Variants in RBFOX2 observed in about 807,000 individuals in gnomAD.
RBFOX2 encodes the protein RNA binding fox-1 homolog 2, also known as RNA binding protein fox-1 homolog 2.
Under a neutral mutation model 49.1 loss-of-function variants are expected in RBFOX2, and 10 were observed. The observed-to-expected ratio is 0.20, with a 90% confidence interval of 0.13 to 0.35. The LOEUF is 0.35. RBFOX2 is among the 10% of genes least tolerant of loss of function. RBFOX2 has a pLI of 1.00. For missense variants in RBFOX2, 323 were observed against 486.9 expected (o/e 0.66, Z 3.17); for synonymous variants, 183 against 187.4 (o/e 0.98, Z 0.19).
chr22:35,809,807 T>C, exon 2 of RBFOX2: 1 of 1,613,850 alleles, frequency 6.2e-7, no homozygotes, highest in Non-Finnish European at 8.5e-7. Context: ...GTGTGCTGGG[T>C]GAGTTGCTGC....
At chr22:35,893,629 CA>C (rs774603816) in intron 1 of RBFOX2, among the ~76,000 whole-genome samples, 2 of 151,668 alleles carry the variant, frequency 1.3e-5, no homozygotes, top group East Asian at 1.9e-4. Context: ...ACAAATACTA[CA>C]AAAAAAATCA....
At chr22:35,892,278 G>A (rs2047336916) in intron 1 of RBFOX2, among the ~76,000 whole-genome samples, 1 of 152,090 alleles carries the variant, frequency 6.6e-6, no homozygotes, top group Non-Finnish European at 1.5e-5. Flanking sequence ...GGCAGGGGTG[G>A]GATTTAGACC....
At chr22:35,952,288 A>G (rs1415994278) in intron 1 of RBFOX2, among the ~76,000 whole-genome samples, 1 of 152,188 alleles carries the variant, frequency 6.6e-6, no homozygotes. Context: ...ACATTGCTTT[A>G]TAGCCTTTTA....
At chr22:35,764,281 A>G (rs1387399667) in intron 6 of RBFOX2, among the ~76,000 whole-genome samples, 1 of 152,092 alleles carries the variant, frequency 6.6e-6, no homozygotes, top group Non-Finnish European at 1.5e-5. Context: ...CAGTGGGTTC[A>G]AACTTTTTAA....
rs149855831 is a variant in RBFOX2 at position 35,781,275 on chromosome 22, T to G, written c.399+325A>C. Among the ~76,000 whole-genome samples, 62 of 152,318 alleles carry G rather than the reference T, an allele frequency of 4.1e-4. 1 individual carries two copies. Among genetic ancestry groups the G allele is most frequent in the African/African-American group, 1.4e-3 (59 of 41,572 alleles). ...GTTCTTGCAGATGAAACTAAGCATATTATTGGTATGTTTACTGAGTTTGGT... is the reference window on the plus strand; with the variant it reads ...GTTCTTGCAGATGAAACTAAGCATAGTATTGGTATGTTTACTGAGTTTGGT... On this transcript the variant is annotated intron_variant, in intron 3 of 11. Transcript: ENST00000405409.
At chr22:35,767,376 G>T (rs1043634768) in intron 5 of RBFOX2, among the ~76,000 whole-genome samples, 5 of 152,100 alleles carry the variant, frequency 3.3e-5, no homozygotes, top group African/African-American at 9.7e-5. Context: ...ACCGCCAACG[G>T]GCACCATCGC....
At chr22:35,897,403 G>A in intron 1 of RBFOX2, 1 of 961,614 alleles carries the variant, frequency 1.0e-6, no homozygotes, top group East Asian at 2.4e-5. Flanking sequence ...AAGCTGGGCA[G>A]GTGAGACAAG....
intron 1 of RBFOX2, among the ~76,000 whole-genome samples, chr22:36,008,618 A>G (rs1176509753): frequency 6.6e-6 from 1 of 152,126 alleles, no homozygotes; most frequent in Non-Finnish European, 1.5e-5. Context: ...GGAGTTTAAG[A>G]CCAGCCTGGC....
At chr22:35,888,317 G>GTA (rs1288711136) in intron 1 of RBFOX2, among the ~76,000 whole-genome samples, 1 of 152,166 alleles carries the variant, frequency 6.6e-6, no homozygotes, top group African/African-American at 2.4e-5. Context: ...TAGTAGTCAT[G>GTA]TATCACTTAA....
chr22:35,975,891 A>C lies in RBFOX2; in HGVS notation c.187-36994T>G, dbSNP rs193032419. Among the ~76,000 whole-genome samples, 708 of 152,310 alleles carry C rather than the reference A, an allele frequency of 4.6e-3. 1 individual carries two copies. The highest frequency in any genetic ancestry group is 7.0e-3 in the Non-Finnish European group (475 of 68,022). ...ACTGTTATTTTACTTAATACTGAGG[A>C]GATACAAGAAGAATATTTATAAATT... On this transcript the variant is annotated intron_variant, in intron 1 of 13. Transcript: ENST00000438146.
rs908274995 is a variant in RBFOX2 at position 35,759,792 on chromosome 22, C to T, written c.887+96G>A. The T allele has an allele frequency of 8.6e-6, 13 of 1,504,560 alleles. No homozygotes were observed. The highest frequency in any genetic ancestry group is 4.1e-5 in the African/African-American group (3 of 72,296). 93.2% of individuals were successfully genotyped at this position (1,504,560 alleles called of 1,614,324 possible). A position where few individuals can be genotyped will look rare whatever the true frequency, so the allele number is the denominator to read the frequency against. On this transcript the variant is annotated intron_variant, in intron 9 of 11. Coordinates refer to ENST00000405409, the Ensembl canonical transcript of RBFOX2. The surrounding 1 kb of genome is among the most constrained non-coding windows in gnomAD (Gnocchi z 4.6). The stretch of plus-strand genomic sequence containing the variant: ...TTCACTGAATGCCTACTCTGTGACA[C>T]GGCAACATCCCAGAAGTTATGAAAG...
intron 1 of RBFOX2, among the ~76,000 whole-genome samples, chr22:35,903,444 T>C (rs1034605063): frequency 5.3e-5 from 8 of 152,182 alleles, no homozygotes; most frequent in Non-Finnish European, 1.0e-4. Flanking sequence ...AAGGCAAGTG[T>C]TCCTTGGGGT....
intron 1 of RBFOX2, among the ~76,000 whole-genome samples, chr22:35,924,023 A>T (rs937032215): frequency 2.0e-5 from 3 of 152,186 alleles, no homozygotes; most frequent in African/African-American, 7.2e-5. Context: ...CATTTATTTT[A>T]AAACCCAGAT....
chr22:35,812,215 C>T (rs970006432), intron 1 of RBFOX2, among the ~76,000 whole-genome samples: 4 of 151,308 alleles, frequency 2.6e-5, no homozygotes, highest in Non-Finnish European at 5.9e-5. Flanking sequence ...GAACTGACAT[C>T]GCTGCCATTA....
intron 1 of RBFOX2, among the ~76,000 whole-genome samples, chr22:35,909,653 C>T (rs2049544483): frequency 6.6e-6 from 1 of 152,154 alleles, no homozygotes; most frequent in African/African-American, 2.4e-5. Flanking sequence ...ATGTGAGTCC[C>T]CCTGTTGGAG....
At chr22:35,810,918 A>G (rs1296078891) in intron 1 of RBFOX2, among the ~76,000 whole-genome samples, 2 of 152,222 alleles carry the variant, frequency 1.3e-5, no homozygotes, top group Non-Finnish European at 2.9e-5. Context: ...TGTTTTTAAT[A>G]CTAAAGAGAA....
chr22:35,898,713 C>A lies in RBFOX2; in HGVS notation c.-34+40134G>T, dbSNP rs546890986. Reference sequence around the variant, plus strand: ...AAAGTGTGGGATTACAAGCATGAGCCACCATGACCACTGGCAGTCATTCAT... The same window carrying A: ...AAAGTGTGGGATTACAAGCATGAGCAACCATGACCACTGGCAGTCATTCAT... On this transcript the variant is annotated intron_variant, in intron 1 of 13. Transcript: ENST00000359369. 1.9e-3 allele frequency among the ~76,000 whole-genome samples: 290 copies of A among 152,212 alleles called. 3 individuals carry two copies. Among genetic ancestry groups the A allele is most frequent in the African/African-American group, 6.7e-3 (278 of 41,526 alleles).
At chr22:35,799,881 G>T (rs1949465219) in intron 2 of RBFOX2, among the ~76,000 whole-genome samples, 1 of 152,090 alleles carries the variant, frequency 6.6e-6, no homozygotes, top group African/African-American at 2.4e-5. Flanking sequence ...CTGAGCCTGG[G>T]AGGCAGAGGC....
intron 1 of RBFOX2, among the ~76,000 whole-genome samples, chr22:35,825,430 A>G (rs1224074507): frequency 6.6e-6 from 1 of 151,728 alleles, no homozygotes; most frequent in Non-Finnish European, 1.5e-5. Flanking sequence ...CTAAGTGAAA[A>G]AAAAAAAAAA....
Sources: allele counts gnomAD v4.1 joint callset (sites outside exome capture counted in the v4.1 genomes callset), GRCh38; gene constraint gnomAD v4.1.1; non-coding constraint Gnocchi (gnomAD v3.1); transcripts MANE v1.5; gene names NCBI Gene and HGNC (gene_info 2026-07-23, HGNC 2026-07-21).